Variants in CHCHD6 observed in about 807,000 individuals in gnomAD.
CHCHD6 encodes the protein MICOS complex subunit MIC25.
A neutral mutation model predicts 32.3 loss-of-function variants in CHCHD6; 28 were observed. The ratio of observed to expected loss-of-function variants is 0.87; its 90% CI spans 0.64 to 1.19. The LOEUF (loss-of-function observed/expected upper bound fraction) is 1.19, where lower values mean the gene tolerates loss of function less well. Among genes scored for constraint, CHCHD6 ranks in the 50% most tolerant of loss-of-function variants. The pLI is 0.00. For missense variants in CHCHD6, 333 were observed against 307.0 expected, an observed-to-expected ratio of 1.08 and a Z score of -0.63; for synonymous variants, 122 against 117.5, an observed-to-expected ratio of 1.04 and a Z score of -0.25.
intron 6 of CHCHD6, among the ~76,000 whole-genome samples, chr3:126,940,537 T>C (rs2078544991): frequency 6.6e-6 from 1 of 152,238 alleles, no homozygotes; most frequent in Admixed American, 6.5e-5. Context: ...TGTGCTTATA[T>C]GTTTAAATTC....
chr3:126,892,184 A>C (rs1430382083), intron 5 of CHCHD6, among the ~76,000 whole-genome samples: 1 of 152,166 alleles, frequency 6.6e-6, no homozygotes, highest in Non-Finnish European at 1.5e-5. Context: ...TGGCCCTTTC[A>C]GCGCCAGCCT....
rs1939946141 is a variant in CHCHD6, at chr3:126,817,220, C to T, written c.412-35427C>T. 3.3e-5 allele frequency among the ~76,000 whole-genome samples: 5 copies of T among 152,202 alleles called. No individual in the cohort carries two copies. In the South Asian group the frequency reaches 1.0e-3, roughly 32 times the overall value. On this transcript the variant is annotated intron_variant, in intron 4 of 7. Coordinates refer to ENST00000290913, the MANE Select transcript of CHCHD6 (RefSeq NM_032343.3). ...ACCTCTGCAGAATGTTCTTGCCTGT[C>T]TCTTTTAATGACTGAAAGCTAGAAG... is the stretch of plus-strand genomic sequence containing the variant.
intron 4 of CHCHD6, among the ~76,000 whole-genome samples, chr3:126,848,043 G>T (rs553209459): frequency 6.6e-6 from 1 of 152,090 alleles, no homozygotes; most frequent in Non-Finnish European, 1.5e-5. Context: ...GCAGTGATGC[G>T]ATCATAACTC....
At chr3:126,814,977 C>T (rs906422758) in intron 4 of CHCHD6, among the ~76,000 whole-genome samples, 6 of 152,182 alleles carry the variant, frequency 3.9e-5, no homozygotes, top group Admixed American at 2.6e-4. Flanking sequence ...ACCCAGCTAG[C>T]GTCTGCTGTA....
At chr3:126,885,046 G>C (rs960254318) in intron 5 of CHCHD6, among the ~76,000 whole-genome samples, 1 of 152,200 alleles carries the variant, frequency 6.6e-6, no homozygotes, top group Non-Finnish European at 1.5e-5. Context: ...CTGAAGGCCA[G>C]TCGTGGCACT....
intron 6 of CHCHD6, among the ~76,000 whole-genome samples, chr3:126,919,262 GT>G (rs1286660839): frequency 1.4e-5 from 2 of 144,478 alleles, no homozygotes; most frequent in African/African-American, 5.1e-5. Context: ...CAGATTTATT[GT>G]TTTTTTCTGA....
intron 1 of CHCHD6, among the ~76,000 whole-genome samples, chr3:126,726,564 G>A (rs1444875080): frequency 1.3e-5 from 2 of 151,944 alleles, no homozygotes; most frequent in Non-Finnish European, 2.9e-5. Context: ...AAAAAAAAAT[G>A]TGTTATCTGC....
chr3:126,861,639 T>C (rs1376105964), intron 5 of CHCHD6, among the ~76,000 whole-genome samples: 3 of 126,110 alleles, frequency 2.4e-5, no homozygotes, highest in Admixed American at 7.7e-5. Flanking sequence ...CCTCCTCTAC[T>C]ACCATCACCA....
At chr3:126,760,759 A>G (rs1937130965) in intron 4 of CHCHD6, among the ~76,000 whole-genome samples, 3 of 152,172 alleles carry the variant, frequency 2.0e-5, no homozygotes, top group Admixed American at 6.5e-5. Context: ...AGTTGTTTCT[A>G]CCTTTTGGCT....
intron 4 of CHCHD6, among the ~76,000 whole-genome samples, chr3:126,844,098 T>C (rs902926839): frequency 1.3e-5 from 2 of 152,236 alleles, no homozygotes; most frequent in African/African-American, 4.8e-5. Context: ...GAACATACTT[T>C]GTGTGATTTC....
intron 6 of CHCHD6, among the ~76,000 whole-genome samples, chr3:126,936,431 G>C (rs1227453984): frequency 6.6e-6 from 1 of 152,144 alleles, no homozygotes; most frequent in Non-Finnish European, 1.5e-5. Context: ...TGCTGTAAGT[G>C]CAAAATACAT....
chr3:126,876,175 G>C (rs1378842853), intron 5 of CHCHD6, among the ~76,000 whole-genome samples: 1 of 152,230 alleles, frequency 6.6e-6, no homozygotes, highest in Non-Finnish European at 1.5e-5. Flanking sequence ...TTCATTATAT[G>C]AGTTAGTGGG....
At chr3:126,934,435 C>T (rs1463938568) in intron 6 of CHCHD6, among the ~76,000 whole-genome samples, 2 of 150,644 alleles carry the variant, frequency 1.3e-5, no homozygotes, top group Non-Finnish European at 2.9e-5. Flanking sequence ...ACAGACAGTG[C>T]TGCAGTGTTC....
intron 4 of CHCHD6, among the ~76,000 whole-genome samples, chr3:126,781,820 C>T (rs771634219): frequency 2.0e-5 from 3 of 152,184 alleles, no homozygotes; most frequent in Admixed American, 6.5e-5. Context: ...TCTTTTTTAG[C>T]CTCTTGGAGC....
intron 4 of CHCHD6, among the ~76,000 whole-genome samples, chr3:126,772,981 T>G (rs2107677688): frequency 6.6e-6 from 1 of 152,316 alleles, no homozygotes; most frequent in East Asian, 1.9e-4. Flanking sequence ...TCTCCTTTAC[T>G]TATGAAGCTT....
chr3:126,791,730 C>T (rs1938554848), intron 4 of CHCHD6, among the ~76,000 whole-genome samples: 1 of 152,260 alleles, frequency 6.6e-6, no homozygotes, highest in East Asian at 1.9e-4. Context: ...CTGCCTCAGC[C>T]TCCCAAGTAG....
At chr3:126,914,552 T>G in intron 5 of CHCHD6, 128 bp from the exon 6 acceptor site, 1 of 682,184 alleles carries the variant, frequency 1.5e-6, no homozygotes, top group Non-Finnish European at 2.7e-6. Context: ...AGGTGTGGAT[T>G]AATTACCAGT....
chr3:126,869,686 A>G (rs1005948602), intron 5 of CHCHD6, among the ~76,000 whole-genome samples: 2 of 152,142 alleles, frequency 1.3e-5, no homozygotes, highest in African/African-American at 4.8e-5. Context: ...ACTTCTAATT[A>G]TTTATTGTTA....
At chr3:126,760,834 CT>C (rs1021831528) in intron 4 of CHCHD6, among the ~76,000 whole-genome samples, 2 of 149,702 alleles carry the variant, frequency 1.3e-5, no homozygotes, top group Admixed American at 6.7e-5. Flanking sequence ...GCTTTCAATT[CT>C]TTTTTTTTTC....
Sources: allele counts gnomAD v4.1 joint callset (sites outside exome capture counted in the v4.1 genomes callset), GRCh38; gene constraint gnomAD v4.1.1; transcripts MANE v1.5; gene names NCBI Gene and HGNC (gene_info 2026-07-23, HGNC 2026-07-21).